The following RBPMS variants were observed in gnomAD, a reference collection of about 807,000 sequenced individuals.
The protein encoded by RBPMS is RNA-binding protein with multiple splicing.
RBPMS carries 7 observed loss-of-function variants against 26.8 expected under a neutral mutation model. The ratio of observed to expected loss-of-function variants is 0.26; its 90% CI spans 0.15 to 0.49. The LOEUF (loss-of-function observed/expected upper bound fraction) is 0.49, where lower values mean the gene tolerates loss of function less well. RBPMS is among the 20% of genes least tolerant of loss of function. RBPMS has a pLI of 0.98. For missense variants in RBPMS, 186 were observed against 250.0 expected, an observed-to-expected ratio of 0.74 and a Z score of 1.73; for synonymous variants, 96 against 93.3, an observed-to-expected ratio of 1.03 and a Z score of -0.17.
chr8:30,486,899 A>G (rs1024484346), intron 4 of RBPMS, among the ~76,000 whole-genome samples: 2 of 152,200 alleles, frequency 1.3e-5, no homozygotes, highest in East Asian at 3.8e-4. Context: ...ATGAGGATCT[A>G]TTTGTTTAAA....
At chr8:30,390,245 A>T (rs901661606) in intron 1 of RBPMS, among the ~76,000 whole-genome samples, 1 of 152,204 alleles carries the variant, frequency 6.6e-6, no homozygotes, top group Non-Finnish European at 1.5e-5. Context: ...CACAAAACCG[A>T]GGTTGGTCAC....
At chr8:30,438,784 A>AT (rs1044181962) in intron 1 of RBPMS, among the ~76,000 whole-genome samples, 16 of 151,266 alleles carry the variant, frequency 1.1e-4, no homozygotes, top group Admixed American at 2.0e-4. Flanking sequence ...TTTTTTATTT[A>AT]TTTTTTTTGA....
At chr8:30,425,222 A>G (rs1325458318) in intron 1 of RBPMS, among the ~76,000 whole-genome samples, 10 of 151,924 alleles carry the variant, frequency 6.6e-5, no homozygotes, top group African/African-American at 2.4e-4. Flanking sequence ...CTCTCACTCA[A>G]AGTGCTGAGA....
chr8:30,521,245 A>G (rs1318199241), intron 5 of RBPMS, among the ~76,000 whole-genome samples: 2 of 152,212 alleles, frequency 1.3e-5, no homozygotes, highest in Non-Finnish European at 2.9e-5. Flanking sequence ...ATAGACAGGA[A>G]GACAGTGATA....
intron 5 of RBPMS, chr8:30,537,614 G>A: frequency 2.2e-6 from 1 of 456,274 alleles, no homozygotes; most frequent in South Asian, 1.5e-5. Context: ...AGGCAGTGAA[G>A]TGCAGAAGTG....
At chr8:30,415,196 C>G (rs965473605) in intron 1 of RBPMS, among the ~76,000 whole-genome samples, 6 of 152,182 alleles carry the variant, frequency 3.9e-5, no homozygotes, top group Admixed American at 6.5e-5. Context: ...CTTCCCCTCC[C>G]CTCCCTGACT....
intron 5 of RBPMS, among the ~76,000 whole-genome samples, chr8:30,541,307 G>C (rs886584340): frequency 1.3e-5 from 2 of 152,100 alleles, no homozygotes; most frequent in Non-Finnish European, 2.9e-5. Context: ...CAGTTCTTTC[G>C]TTTCAAAGGG....
chr8:30,499,276 G>A (rs1215681479), intron 4 of RBPMS, among the ~76,000 whole-genome samples: 1 of 152,172 alleles, frequency 6.6e-6, no homozygotes, highest in Non-Finnish European at 1.5e-5. Flanking sequence ...TCTGGTGGCA[G>A]CAGGGAGGAG....
At chr8:30,477,371 ATTG>A (rs1326387407) in intron 2 of RBPMS, among the ~76,000 whole-genome samples, 1 of 152,102 alleles carries the variant, frequency 6.6e-6, no homozygotes, top group African/African-American at 2.4e-5. Flanking sequence ...TTAATGTTTT[ATTG>A]TTGTTATTTT....
intron 1 of RBPMS, among the ~76,000 whole-genome samples, chr8:30,427,090 C>T (rs1374120812): frequency 1.3e-5 from 2 of 152,104 alleles, no homozygotes; most frequent in Non-Finnish European, 2.9e-5. Flanking sequence ...CACGCCAGGC[C>T]GACCTCCCCT....
In RBPMS at chr8:30,434,775, T is replaced by TC. The variant is rs1385695064; in HGVS notation, c.67-40004_67-40003insC. Among the ~76,000 whole-genome samples, 180 of 114,918 alleles carry TC rather than the reference T, an allele frequency of 1.6e-3. 1 individual carries two copies. The highest frequency in any genetic ancestry group is 8.1e-3 in the African/African-American group (173 of 21,256). The allele number at this position is 114,918 out of a possible 152,430, so 75.4% of individuals were successfully genotyped here. ...AGAAATAACAGGAGTTATTCCCATATAACACACACACACACACACACACAC... is the reference window on the plus strand; with the variant it reads ...AGAAATAACAGGAGTTATTCCCATATCAACACACACACACACACACACACAC... On this transcript the variant is annotated intron_variant, in intron 1 of 8. Coordinates refer to ENST00000397323, the MANE Select transcript of RBPMS (RefSeq NM_001008710.3).
chr8:30,420,657 C>T (rs1319392130), intron 1 of RBPMS, among the ~76,000 whole-genome samples: 4 of 152,146 alleles, frequency 2.6e-5, no homozygotes, highest in Admixed American at 1.3e-4. Flanking sequence ...TAGACTTTAT[C>T]GGGAGGCTTC....
At chr8:30,439,600 AC>A (rs1022340123) in intron 1 of RBPMS, among the ~76,000 whole-genome samples, 26 of 149,792 alleles carry the variant, frequency 1.7e-4, no homozygotes, top group Non-Finnish European at 3.4e-4. Context: ...GCTCCCCCAC[AC>A]CCCCTCTTGC....
At chr8:30,440,544 C>T (rs919507294) in intron 1 of RBPMS, among the ~76,000 whole-genome samples, 1 of 152,158 alleles carries the variant, frequency 6.6e-6, no homozygotes, top group Non-Finnish European at 1.5e-5. Flanking sequence ...AGGCTTCCAT[C>T]GTATTTTTCC....
At chr8:30,388,963 C>T (rs1585318522) in intron 1 of RBPMS, among the ~76,000 whole-genome samples, 2 of 152,236 alleles carry the variant, frequency 1.3e-5, no homozygotes, top group South Asian at 4.1e-4. Flanking sequence ...CTTTACTTTG[C>T]ATTCCTTCTT....
Position 30,571,091 on chromosome 8 carries a change from G to T in RBPMS, c.*566G>T, listed in dbSNP as rs1383726015. The T allele has an allele frequency of 6.6e-6, 1 of 151,156 alleles. No homozygotes were observed. The highest frequency in any genetic ancestry group is 1.5e-5 in the Non-Finnish European group (1 of 68,014). 9.4% of individuals were successfully genotyped at this position (151,156 alleles called of 1,614,324 possible). A position where few individuals can be genotyped will look rare whatever the true frequency, so the allele number is the denominator to read the frequency against. ...GAAATCTGTGCCTGGCCGGAGTCCA[G>T]GGTAAATTAGTAGCATGGTGTTAGA... On this transcript the variant is annotated 3_prime_UTR_variant, in exon 9 of 9. Coordinates refer to ENST00000397323, the MANE Select transcript of RBPMS (RefSeq NM_001008710.3).
chr8:30,564,815 GC>G, intron 7 of RBPMS: 1 of 150,754 alleles, frequency 6.6e-6, no homozygotes, highest in Non-Finnish European at 1.5e-5. Context: ...TCATGTTACT[GC>G]CCCCACCTCC....
chr8:30,505,459 C>CA, intron 5 of RBPMS, among the ~76,000 whole-genome samples: 1 of 152,306 alleles, frequency 6.6e-6, no homozygotes. Flanking sequence ...GTAGTTCAGT[C>CA]ACTCTTGGTA....
chr8:30,506,019 A>G (rs932215889), intron 5 of RBPMS, among the ~76,000 whole-genome samples: 8 of 152,156 alleles, frequency 5.3e-5, no homozygotes, highest in South Asian at 2.1e-4. Context: ...TACCTTTTCA[A>G]TTCTTTGCTG....
Sources: gnomAD v4.1 joint callset for allele counts (sites outside exome capture counted in the v4.1 genomes callset) on GRCh38, gnomAD v4.1.1 for gene constraint, MANE v1.5 for transcripts, NCBI Gene and HGNC (gene_info 2026-07-23, HGNC 2026-07-21) for gene names.